OTUD4: variants seen among roughly 807,000 people sequenced by gnomAD.
OTUD4 encodes the protein OTU deubiquitinase 4, also known as OTU domain-containing protein 4.
A neutral mutation model predicts 130.4 loss-of-function variants in OTUD4; 24 were observed. The ratio of observed to expected loss-of-function variants is 0.18; its 90% CI spans 0.13 to 0.26. The LOEUF is 0.26. OTUD4 is among the 10% of genes least tolerant of loss of function. OTUD4 has a pLI of 1.00. For synonymous variants in OTUD4, 420 were observed against 472.5 expected (o/e 0.89, Z 1.44); for missense variants, 1,031 against 1,329.4 (o/e 0.78, Z 3.49).
intron 18 of OTUD4, 40 bp downstream of exon 18, chr4:145,142,156 G>C (rs1560978265): frequency 6.3e-7 from 1 of 1,585,126 alleles, no homozygotes; most frequent in Non-Finnish European, 8.6e-7. Flanking sequence ...TGACTAGAAA[G>C]GTATTTTGGC....
At position 145,141,384 on chromosome 4, in the gene OTUD4, G is replaced by A. The variant is rs1460761869; in HGVS notation, c.2078C>T (p.Pro693Leu). 2 of 1,600,050 alleles carry A rather than the reference G, an allele frequency of 1.2e-6. No individual in the cohort carries two copies. Among genetic ancestry groups the A allele is most frequent in the Admixed American group, 1.7e-5 (1 of 57,344 alleles). ...YSLCQTGEDL[P>L]KDKNILRFFF... ...AACTTGGAGAAGGAGCTCACCTTTAGGTAGGTCCTCCCCAGTCTGACACAG... is the reference window on the plus strand; with the variant it reads ...AACTTGGAGAAGGAGCTCACCTTTAAGTAGGTCCTCCCCAGTCTGACACAG... The change falls in exon 19 of 21, where the codon CCT (proline) becomes CTT (leucine). Residue 693 changes from proline to leucine, a missense_variant. Physicochemically the swap from Pro to Leu is moderately conservative, Grantham distance 98 (BLOSUM62 -3). Coordinates refer to ENST00000447906, the MANE Select transcript of OTUD4 (RefSeq NM_001366057.1).
chr4:145,176,842 G>A (rs1057147150), intron 1 of OTUD4, among the ~76,000 whole-genome samples: 5 of 152,172 alleles, frequency 3.3e-5, no homozygotes, highest in South Asian at 2.1e-4. Context: ...CCACAGAACC[G>A]GCACAACTGC....
chr4:145,159,448 T>G (rs780994456), intron 7 of OTUD4, 55 bp downstream of exon 7: 2 of 1,607,800 alleles, frequency 1.2e-6, no homozygotes, highest in South Asian at 2.2e-5. Flanking sequence ...TAAAGACATT[T>G]ACTTAACTTT....
chr4:145,157,277 C>T (rs774878984), intron 7 of OTUD4, among the ~76,000 whole-genome samples: 9 of 152,178 alleles, frequency 5.9e-5, no homozygotes, highest in Non-Finnish European at 1.3e-4. Flanking sequence ...CACCCAAAAT[C>T]TCATCTTGAA....
chr4:145,156,022 G>A (rs1220153820), intron 7 of OTUD4, 26 bp from the exon 8 acceptor site: 1 of 1,590,946 alleles, frequency 6.3e-7, no homozygotes, highest in Non-Finnish European at 8.6e-7. Context: ...ACCATAATTG[G>A]GGCAGAAAAA....
chr4:145,137,763 C>G lies in OTUD4; in HGVS notation c.3012G>C (p.Val1004=). Residue 1004 remains valine (V), a synonymous_variant, in exon 21 of 21, where the codon GTG becomes GTC. Transcript: ENST00000447906. ...KVKDPKTAAD[V]VSPGANSVDS... ...CAACAGAGTTGGCCCCAGGGCTGAC[C>G]ACATCAGCAGCAGTCTTAGGATCTT... is the stretch of plus-strand genomic sequence containing the variant. 3 of 1,613,930 alleles carry G rather than the reference C, an allele frequency of 1.9e-6. No homozygotes were observed. The highest frequency in any genetic ancestry group is 2.5e-6 in the Non-Finnish European group (3 of 1,179,874).
Position 145,136,062 on chromosome 4 carries a change from A to G in OTUD4, c.*1368T>C, listed in dbSNP as rs1002264427. The G allele has an allele frequency of 6.5e-6, 1 of 152,680 alleles. No individual in the cohort carries two copies. Among genetic ancestry groups the G allele is most frequent in the African/African-American group, 2.4e-5 (1 of 41,466 alleles). 9.5% of individuals were successfully genotyped at this position (152,680 alleles called of 1,614,324 possible). On this transcript the variant is annotated 3_prime_UTR_variant, in exon 21 of 21. Coordinates refer to ENST00000447906, the MANE Select transcript of OTUD4 (RefSeq NM_001366057.1). ...GAAATTACTACTATGTTATTTGCATAGCACTCAAACTTCCTGATCAGAAGA... is the reference window on the plus strand; with the variant it reads ...GAAATTACTACTATGTTATTTGCATGGCACTCAAACTTCCTGATCAGAAGA...
chr4:145,150,490 T>C, intron 13 of OTUD4, 23 bp downstream of exon 13: 1 of 1,533,052 alleles, frequency 6.5e-7, no homozygotes, highest in Non-Finnish European at 9.0e-7. Flanking sequence ...TTTCTATACT[T>C]CTCTTACATT....
chr4:145,155,584 G>A lies in OTUD4; in HGVS notation c.793C>T (p.Leu265=). ...TTTAACTCACCTTGTTTAGACTTCAGCCAAATTTCATATTCCACATTTCTA... is the reference window on the plus strand; with the variant it reads ...TTTAACTCACCTTGTTTAGACTTCAACCAAATTTCATATTCCACATTTCTA... ...VYRNVEYEIW[L]KSKQAQQKRD... The change falls in exon 9 of 21, where the codon CTG becomes TTG. Residue 265 remains leucine, a synonymous_variant. Coordinates refer to ENST00000447906, the MANE Select transcript of OTUD4 (RefSeq NM_001366057.1). 6.2e-7 allele frequency: 1 copy of A among 1,608,690 alleles called. No individual in the cohort carries two copies. The highest frequency in any genetic ancestry group is 1.1e-5 in the South Asian group (1 of 89,554).
chr4:145,179,219 G>A (rs565429237), intron 1 of OTUD4, among the ~76,000 whole-genome samples: 3 of 152,290 alleles, frequency 2.0e-5, no homozygotes, highest in Non-Finnish European at 4.4e-5. Context: ...CAGCCCAGCA[G>A]AGCATAATAA....
chr4:145,180,212 C>G lies in OTUD4; in HGVS notation c.-239G>C, dbSNP rs1028444963. ...CGCCTCCTCGGAGCGAACACGCGCC[C>G]ACGACAAACGGGGGGAGCGGGATTA... On this transcript the variant is annotated 5_prime_UTR_variant, in exon 1 of 21. Coordinates refer to ENST00000447906, the MANE Select transcript of OTUD4 (RefSeq NM_001366057.1). The G allele has an allele frequency of 1.2e-5, 2 of 165,992 alleles. No individual in the cohort carries two copies. Among genetic ancestry groups the G allele is most frequent in the African/African-American group, 4.8e-5 (2 of 41,822 alleles). 10.3% of individuals were successfully genotyped at this position (165,992 alleles called of 1,614,324 possible).
At position 145,137,836 on chromosome 4, in the gene OTUD4, T is replaced by A; in HGVS notation, c.2939A>T (p.Glu980Val). The change falls in exon 21 of 21, where the codon GAA becomes GTA. Residue 980 changes from glutamate to valine, a missense_variant. Physicochemically the swap from Glu to Val is moderately radical, Grantham distance 121. Around this residue, in one of 3 missense-constraint regions of OTUD4, gnomAD observed 900 missense variants for 1,095.9 expected, o/e 0.82. Transcript: ENST00000447906. ...RERETVPVELEPKRTIQSLKE... is the reference protein window; with the variant it reads ...RERETVPVELVPKRTIQSLKE... Reference sequence around the variant, plus strand: ...CAGGCTTTGAATGGTCCTTTTAGGTTCAAGTTCAACAGGCACAGTTTCTCT... The same window carrying A: ...CAGGCTTTGAATGGTCCTTTTAGGTACAAGTTCAACAGGCACAGTTTCTCT... 2 of 1,614,152 alleles carry A rather than the reference T, an allele frequency of 1.2e-6. No homozygotes were observed. Among genetic ancestry groups the A allele is most frequent in the Non-Finnish European group, 8.5e-7 (1 of 1,180,034 alleles).
chr4:145,164,364 A>G, intron 4 of OTUD4, 138 bp from the exon 5 acceptor site: 1 of 406,784 alleles, frequency 2.5e-6, no homozygotes, highest in Non-Finnish European at 4.5e-6. Context: ...CAATAATGAG[A>G]TAACTAAGTT....
Position 145,137,794 on chromosome 4 carries a change from T to C in OTUD4, c.2981A>G (p.Lys994Arg). Reference protein sequence around the residue: ...TIQSLKEKTEKVKDPKTAADV... With the variant: ...TIQSLKEKTERVKDPKTAADV... ...AGCAGCAGTCTTAGGATCTTTTACT[T>C]TTTCTGTTTTTTCTTTCAGGCTTTG... Residue 994 changes from lysine (K) to arginine (R), a missense_variant, in exon 21 of 21, where the codon AAA becomes AGA. Physicochemically the swap from Lys to Arg is conservative, Grantham distance 26. This residue lies in a region of OTUD4 where 900 missense variants were observed against 1,095.9 expected (regional missense o/e 0.82). Coordinates refer to ENST00000447906, the MANE Select transcript of OTUD4 (RefSeq NM_001366057.1). The C allele has an allele frequency of 6.2e-7, 1 of 1,614,008 alleles. No individual in the cohort carries two copies. Among genetic ancestry groups the C allele is most frequent in the Non-Finnish European group, 8.5e-7 (1 of 1,179,996 alleles).
chr4:145,168,413 T>A (rs200201262), intron 3 of OTUD4, among the ~76,000 whole-genome samples: 137 of 122,734 alleles, frequency 1.1e-3, no homozygotes, highest in East Asian at 1.4e-3. Context: ...AATAAAAAAT[T>A]AAAAAAAAAA....
intron 4 of OTUD4, 125 bp from the exon 5 acceptor site, chr4:145,164,351 A>T: frequency 2.2e-6 from 1 of 449,402 alleles, no homozygotes; most frequent in Non-Finnish European, 4.1e-6. Flanking sequence ...GAGATACAAA[A>T]GACAATAATG....
chr4:145,180,443 AC>A lies in OTUD4; in HGVS notation c.-471del. Reference sequence around the variant, plus strand: ...ACTCCCCACGCCGGGAGCCGAGGAAACCAAAAAGAAAGACGCGGCCTTTCGT... The same window carrying A: ...ACTCCCCACGCCGGGAGCCGAGGAAACAAAAAGAAAGACGCGGCCTTTCGT... On this transcript the variant is annotated 5_prime_UTR_variant, in exon 1 of 21. Coordinates refer to ENST00000447906, the MANE Select transcript of OTUD4 (RefSeq NM_001366057.1). Among the ~76,000 whole-genome samples, 1 of 152,218 alleles carries A rather than the reference AC, an allele frequency of 6.6e-6. No homozygotes were observed. The highest frequency in any genetic ancestry group is 1.5e-5 in the Non-Finnish European group (1 of 67,982).
rs1265424359 is a variant in OTUD4 at position 145,169,305 on chromosome 4, G to A, written c.294+2365C>T. On this transcript the variant is annotated intron_variant, in intron 3 of 20. Transcript: ENST00000447906. ...TGTATGTCAATTTTACCTCAAAGCT[G>A]ACAAAAACATATTCTCGCACAAGTT... is the stretch of plus-strand genomic sequence containing the variant. Among the ~76,000 whole-genome samples the A allele has an allele frequency of 9.9e-5, 15 of 152,066 alleles. No homozygotes were observed. The East Asian group carries it at 2.7e-3, about 27-fold the overall frequency.
intron 2 of OTUD4, among the ~76,000 whole-genome samples, chr4:145,173,850 T>C (rs1752293511): frequency 6.6e-6 from 1 of 152,216 alleles, no homozygotes; most frequent in Non-Finnish European, 1.5e-5. Flanking sequence ...TTATACAACA[T>C]TTTATTAACT....
Sources: gnomAD v4.1 joint callset for allele counts (sites outside exome capture counted in the v4.1 genomes callset) on GRCh38, gnomAD v4.1.1 for gene constraint, gnomAD v4.1.1 regional missense constraint, MANE v1.5 for transcripts, NCBI Gene and HGNC (gene_info 2026-07-23, HGNC 2026-07-21) for gene names.